The following EYS variants were observed in gnomAD, a reference collection of about 807,000 sequenced individuals.
The protein encoded by EYS is protein eyes shut homolog.
EYS carries 250 observed loss-of-function variants against 282.1 expected under a neutral mutation model. That is an observed-to-expected ratio of 0.89 (90% CI 0.80 to 0.98). EYS has a LOEUF of 0.98. Ranked by LOEUF, EYS falls within the 50% of genes least tolerant of loss-of-function variation. EYS has a pLI of 0.00. For synonymous variants in EYS, 1,355 were observed against 1,282.9 expected (o/e 1.06, Z -1.20); for missense variants, 4,016 against 3,709.0 (o/e 1.08, Z -2.15).
At chr6:64,984,386 T>G (rs557817797) in intron 14 of EYS, among the ~76,000 whole-genome samples, 1 of 151,602 alleles carries the variant, frequency 6.6e-6, no homozygotes, top group African/African-American at 2.4e-5. Flanking sequence ...AAGGATATAC[T>G]GATGATGACT....
chr6:65,162,624 G>T (rs1389291046), intron 12 of EYS, among the ~76,000 whole-genome samples: 1 of 146,710 alleles, frequency 6.8e-6, no homozygotes, highest in African/African-American at 2.6e-5. Flanking sequence ...TTATTTTTTT[G>T]GCTACTTTAA....
Position 64,590,361 on chromosome 6 carries a change from C to T in EYS, c.5506G>A (p.Glu1836Lys), listed in dbSNP as rs1478427973. 5 of 1,551,266 alleles carry T rather than the reference C, an allele frequency of 3.2e-6. No individual in the cohort carries two copies. The highest frequency in any genetic ancestry group is 3.3e-4 in the Middle Eastern group (2 of 5,992). Residue 1836 changes from glutamate (E) to lysine (K), a missense_variant, in exon 26 of 43, where the codon GAA becomes AAA. Physicochemically the swap from Glu to Lys is moderately conservative, Grantham distance 56. Coordinates refer to ENST00000503581, the MANE Select transcript of EYS (RefSeq NM_001142800.2). ...GGCTGAAGTTCCCATTTGGACCATTCTGAAGAAGTCTTGACCTCTTTTTTA... is the reference window on the plus strand; with the variant it reads ...GGCTGAAGTTCCCATTTGGACCATTTTGAAGAAGTCTTGACCTCTTTTTTA... ...SLKKEVKTSS[E>K]WSKWELQPSV... is the part of the protein sequence containing the mutation.
chr6:63,844,815 T>TTCAC (rs1448110040), intron 36 of EYS, among the ~76,000 whole-genome samples: 1 of 152,210 alleles, frequency 6.6e-6, no homozygotes, highest in Admixed American at 6.5e-5. Flanking sequence ...AGGTTGCCTG[T>TTCAC]TCACTCTGTT....
intron 37 of EYS, among the ~76,000 whole-genome samples, chr6:63,793,876 T>C (rs1441873990): frequency 6.6e-6 from 1 of 152,146 alleles, no homozygotes; most frequent in African/African-American, 2.4e-5. Flanking sequence ...AGAGCCTTTG[T>C]ATGTAGATGA....
chr6:65,088,877 C>A (rs796729712), intron 12 of EYS, among the ~76,000 whole-genome samples: 5 of 152,244 alleles, frequency 3.3e-5, no homozygotes, highest in African/African-American at 1.2e-4. Flanking sequence ...TGAGTCCCAG[C>A]TGCTTCAGCT....
chr6:65,529,133 T>C lies in EYS; in HGVS notation c.-332-33140A>G, dbSNP rs968861800. 4.9e-4 allele frequency among the ~76,000 whole-genome samples: 74 copies of C among 151,868 alleles called. 2 individuals are homozygous for C. Among genetic ancestry groups the C allele is most frequent in the Admixed American group, 4.9e-3 (74 of 15,198 alleles). ...TTTAGATTTCCTCTTGGGGGCTTGC[T>C]ATTCTTAAAAAAAAAAATAGTATGG... On this transcript the variant is annotated intron_variant, in intron 2 of 42. Coordinates refer to ENST00000503581, the MANE Select transcript of EYS (RefSeq NM_001142800.2).
intron 1 of EYS, among the ~76,000 whole-genome samples, chr6:65,695,505 A>T (rs968881814): frequency 6.6e-6 from 1 of 152,042 alleles, no homozygotes; most frequent in African/African-American, 2.4e-5. Flanking sequence ...TTCATATATC[A>T]TGTGATAAAA....
chr6:65,331,872 G>T, intron 11 of EYS: 1 of 335,608 alleles, frequency 3.0e-6, no homozygotes, highest in Non-Finnish European at 4.2e-6. Flanking sequence ...TCATTGTATG[G>T]ATATAACAAA....
At chr6:64,114,570 T>C (rs1773313774) in intron 31 of EYS, among the ~76,000 whole-genome samples, 1 of 152,154 alleles carries the variant, frequency 6.6e-6, no homozygotes, top group African/African-American at 2.4e-5. Flanking sequence ...CAGAAACATC[T>C]AGAGATAGCT....
chr6:64,932,221 C>G (rs1264421695), intron 15 of EYS, among the ~76,000 whole-genome samples: 3 of 151,920 alleles, frequency 2.0e-5, no homozygotes, highest in Non-Finnish European at 2.9e-5. Flanking sequence ...AAACCAGCAA[C>G]CTAATAGCCA....
chr6:64,173,403 C>G (rs191445756), intron 31 of EYS, among the ~76,000 whole-genome samples: 31 of 152,218 alleles, frequency 2.0e-4, no homozygotes, highest in Admixed American at 9.8e-4. Context: ...ATCGTAGTGA[C>G]CTAGGTGGTC....
chr6:64,488,188 A>G (rs1776632434), intron 26 of EYS, among the ~76,000 whole-genome samples: 1 of 151,120 alleles, frequency 6.6e-6, no homozygotes, highest in African/African-American at 2.4e-5. Flanking sequence ...TGATAATTCA[A>G]TATTAATAAA....
chr6:63,808,066 C>T (rs1770949667), intron 36 of EYS, among the ~76,000 whole-genome samples: 1 of 152,118 alleles, frequency 6.6e-6, no homozygotes, highest in African/African-American at 2.4e-5. Flanking sequence ...ATACGTATCT[C>T]ATATATATGG....
intron 31 of EYS, among the ~76,000 whole-genome samples, chr6:64,167,126 T>C (rs1764313895): frequency 1.3e-5 from 2 of 152,216 alleles, no homozygotes; most frequent in African/African-American, 4.8e-5. Flanking sequence ...GCTCTAAATC[T>C]TTCTGTACTT....
intron 12 of EYS, among the ~76,000 whole-genome samples, chr6:65,072,134 A>G (rs1418006942): frequency 6.6e-6 from 1 of 151,862 alleles, no homozygotes; most frequent in Non-Finnish European, 1.5e-5. Flanking sequence ...ATAAACAAAA[A>G]TATCTTCAGA....
At chr6:64,331,190 C>T (rs919016933) in intron 29 of EYS, among the ~76,000 whole-genome samples, 1 of 152,166 alleles carries the variant, frequency 6.6e-6, no homozygotes. Context: ...TCTATACTGA[C>T]TCAAGGTATG....
intron 21 of EYS, among the ~76,000 whole-genome samples, chr6:64,818,955 C>T (rs1764820583): frequency 6.6e-6 from 1 of 152,114 alleles, no homozygotes; most frequent in Non-Finnish European, 1.5e-5. Context: ...GTCTTGCTGC[C>T]CATCCAGCCC....
At chr6:64,718,661 TG>T (rs1771475264) in intron 22 of EYS, among the ~76,000 whole-genome samples, 1 of 152,220 alleles carries the variant, frequency 6.6e-6, no homozygotes. Flanking sequence ...CATAATTGAC[TG>T]TATCTAACAA....
rs563757574 is a variant in EYS at position 64,294,870 on chromosome 6, A to G, written c.6191+12100T>C. On this transcript the variant is annotated intron_variant, in intron 30 of 42. Coordinates refer to ENST00000503581, the MANE Select transcript of EYS (RefSeq NM_001142800.2). ...GTTATGAATTACATGCCTTTTTAAT[A>G]AAGTGTATGATGAAAAGGGGGGTAT... 3.3e-5 allele frequency among the ~76,000 whole-genome samples: 5 copies of G among 152,288 alleles called. No individual in the cohort carries two copies. The South Asian group carries it at 1.0e-3, about 32-fold the overall frequency.
Sources: gnomAD v4.1 joint callset for allele counts (sites outside exome capture counted in the v4.1 genomes callset) on GRCh38, gnomAD v4.1.1 for gene constraint, MANE v1.5 for transcripts, NCBI Gene and HGNC (gene_info 2026-07-23, HGNC 2026-07-21) for gene names.